CAMK4: variants seen among roughly 807,000 people sequenced by gnomAD.
CAMK4 encodes the protein calcium/calmodulin dependent protein kinase IV, also known as calcium/calmodulin-dependent protein kinase type IV.
CAMK4 carries 22 observed loss-of-function variants against 44.9 expected under a neutral mutation model. The observed-to-expected ratio is 0.49, with a 90% CI of 0.35 to 0.70. CAMK4 has a LOEUF of 0.70. CAMK4 is among the 30% of genes least tolerant of loss of function. CAMK4 has a pLI of 0.01. For synonymous variants in CAMK4, 218 were observed against 215.4 expected, an observed-to-expected ratio of 1.01 and a Z score of -0.11; for missense variants, 498 against 586.8, an observed-to-expected ratio of 0.85 and a Z score of 1.56.
intron 1 of CAMK4, among the ~76,000 whole-genome samples, chr5:111,300,006 C>T (rs1014856378): frequency 7.2e-5 from 11 of 152,186 alleles, no homozygotes; most frequent in Non-Finnish European, 1.3e-4. Context: ...CACCAAGAGT[C>T]AGCTATATCT....
At chr5:111,407,193 A>C (rs1256459816) in intron 5 of CAMK4, among the ~76,000 whole-genome samples, 1 of 152,104 alleles carries the variant, frequency 6.6e-6, no homozygotes, top group African/African-American at 2.4e-5. Context: ...ATCTACTAAA[A>C]ATACAAAATT....
At chr5:111,350,293 G>A (rs561700124) in intron 2 of CAMK4, among the ~76,000 whole-genome samples, 2 of 152,042 alleles carry the variant, frequency 1.3e-5, no homozygotes, top group Non-Finnish European at 2.9e-5. Context: ...TTTCATAAGA[G>A]TACCAGTTCA....
intron 1 of CAMK4, among the ~76,000 whole-genome samples, chr5:111,273,494 T>A (rs1750601329): frequency 6.6e-6 from 1 of 151,234 alleles, no homozygotes; most frequent in Admixed American, 6.6e-5. Context: ...TTAAAGATGA[T>A]CTTTATTTTT....
intron 1 of CAMK4, among the ~76,000 whole-genome samples, chr5:111,255,269 C>T (rs2112549296): frequency 6.6e-6 from 1 of 152,312 alleles, no homozygotes; most frequent in Middle Eastern, 3.4e-3. Context: ...GCCATCATCA[C>T]TTCCATTGGA....
chr5:111,409,849 C>T (rs1224173853), intron 5 of CAMK4, among the ~76,000 whole-genome samples: 3 of 152,200 alleles, frequency 2.0e-5, no homozygotes, highest in Admixed American at 6.5e-5. Context: ...AGAAGTTCCT[C>T]ATCTCCATTT....
At chr5:111,475,598 G>C (rs879823418) in intron 8 of CAMK4, among the ~76,000 whole-genome samples, 3 of 152,066 alleles carry the variant, frequency 2.0e-5, no homozygotes, top group Non-Finnish European at 2.9e-5. Flanking sequence ...TACACTTTAG[G>C]TAATTAATTA....
rs377477379 is a variant in CAMK4, at chr5:111,484,731, C to T, written c.*265C>T. ...ACACAACGTAACACTTAAAAGCATA[C>T]ATTTTCAGCAACCAGTGGCACATAT... On this transcript the variant is annotated 3_prime_UTR_variant, in exon 11 of 11. Transcript: ENST00000282356. The surrounding 1 kb of genome is among the most constrained non-coding windows in gnomAD (Gnocchi z 5.3). 3.9e-5 allele frequency: 12 copies of T among 304,124 alleles called. No individual in the cohort carries two copies. Among genetic ancestry groups the T allele is most frequent in the Non-Finnish European group, 6.0e-5 (10 of 166,966 alleles). 18.8% of individuals were successfully genotyped at this position (304,124 alleles called of 1,614,324 possible).
At chr5:111,480,731 G>A (rs1461032128) in intron 9 of CAMK4, among the ~76,000 whole-genome samples, 3 of 152,082 alleles carry the variant, frequency 2.0e-5, no homozygotes, top group East Asian at 1.9e-4. Flanking sequence ...TCTCTAGGTC[G>A]TTGTGAGAAT....
chr5:111,296,529 C>T (rs1747490552), intron 1 of CAMK4, among the ~76,000 whole-genome samples: 1 of 152,160 alleles, frequency 6.6e-6, no homozygotes, highest in African/African-American at 2.4e-5. Flanking sequence ...TTTAAATTTG[C>T]ATTTGCATTC....
In CAMK4 at chr5:111,311,509, A is replaced by G. The variant is rs566363665; in HGVS notation, c.162-32515A>G. On this transcript the variant is annotated intron_variant, in intron 1 of 10. Transcript: ENST00000282356. ...GGGTGCAGAAGAGAGTAAAAAGCCT[A>G]TGTAATGGATTGAGGCCAGGTTGTT... is the stretch of plus-strand genomic sequence containing the variant. 4.0e-4 allele frequency among the ~76,000 whole-genome samples: 61 copies of G among 152,260 alleles called. No individual in the cohort carries two copies. The South Asian group carries it at 5.8e-3, about 14-fold the overall frequency.
chr5:111,452,805 G>A (rs114624671), intron 7 of CAMK4, among the ~76,000 whole-genome samples: 2 of 152,118 alleles, frequency 1.3e-5, no homozygotes, highest in Non-Finnish European at 2.9e-5. Flanking sequence ...AAAGTGACCA[G>A]GATAATTCTA....
At chr5:111,223,988 C>G (rs1420220887), upstream of CAMK4, 1 of 153,880 alleles carries the variant, frequency 6.5e-6, no homozygotes, top group Non-Finnish European at 1.4e-5. This position sits in a 1 kb window ranked among gnomAD's most constrained non-coding sequence, Gnocchi z 4.3. Context: ...CTGGCGCCCG[C>G]CATCCCAGAG....
At chr5:111,328,120 T>C (rs12186853) in intron 1 of CAMK4, among the ~76,000 whole-genome samples, 121,285 of 131,584 alleles carry the variant, frequency 0.92, 56,098 homozygotes, top group East Asian at 1. Flanking sequence ...CCTAGGTTTT[T>C]TTCTAGGGTT....
chr5:111,227,500 C>T (rs1748252535), intron 1 of CAMK4, among the ~76,000 whole-genome samples: 1 of 152,224 alleles, frequency 6.6e-6, no homozygotes, highest in Non-Finnish European at 1.5e-5. Context: ...TCCTCCATTA[C>T]AGTTGTCTGT....
intron 1 of CAMK4, among the ~76,000 whole-genome samples, chr5:111,244,858 C>A (rs1749162260): frequency 6.6e-6 from 1 of 151,880 alleles, no homozygotes; most frequent in Non-Finnish European, 1.5e-5. Context: ...GAGATTCTGT[C>A]TCAAAAAATT....
chr5:111,280,934 G>A (rs558175070), intron 1 of CAMK4, among the ~76,000 whole-genome samples: 2 of 152,202 alleles, frequency 1.3e-5, no homozygotes, highest in Non-Finnish European at 2.9e-5. Flanking sequence ...AAGCAGGGGA[G>A]TTTTTGGAAT....
chr5:111,325,311 G>A (rs1748836843), intron 1 of CAMK4, among the ~76,000 whole-genome samples: 1 of 151,892 alleles, frequency 6.6e-6, no homozygotes, highest in South Asian at 2.1e-4. Flanking sequence ...AAATAGTACT[G>A]CAATAAACAT....
intron 4 of CAMK4, among the ~76,000 whole-genome samples, chr5:111,393,494 A>T (rs1751885058): frequency 6.6e-6 from 1 of 152,140 alleles, no homozygotes; most frequent in Non-Finnish European, 1.5e-5. Context: ...GGTCTTGATT[A>T]GGTTCAGATT....
intron 2 of CAMK4, among the ~76,000 whole-genome samples, chr5:111,355,113 A>T (rs1419601530): frequency 6.6e-6 from 1 of 152,110 alleles, no homozygotes; most frequent in East Asian, 1.9e-4. Flanking sequence ...CACCAGCTCA[A>T]ATAGACTTTT....
Sources: allele counts gnomAD v4.1 joint callset (sites outside exome capture counted in the v4.1 genomes callset), GRCh38; gene constraint gnomAD v4.1.1; non-coding constraint Gnocchi (gnomAD v3.1); transcripts MANE v1.5; gene names NCBI Gene and HGNC (gene_info 2026-07-23, HGNC 2026-07-21).